UACA: variants seen among roughly 807,000 people sequenced by gnomAD.
UACA encodes nuclear membrane binding protein.
A neutral mutation model predicts 160.5 loss-of-function variants in UACA; 112 were observed. The ratio of observed to expected loss-of-function variants is 0.70; its 90% CI spans 0.60 to 0.82. UACA has a LOEUF of 0.82. Ranked by LOEUF, UACA falls within the 40% of genes least tolerant of loss-of-function variation. UACA has a pLI of 0.00. For missense variants in UACA, 1,574 were observed against 1,614.6 expected, an observed-to-expected ratio of 0.97 and a Z score of 0.43; for synonymous variants, 557 against 568.4, an observed-to-expected ratio of 0.98 and a Z score of 0.29.
intron 1 of UACA, among the ~76,000 whole-genome samples, chr15:70,720,972 G>A (rs1479180645): frequency 2.0e-5 from 3 of 152,144 alleles, no homozygotes; most frequent in African/African-American, 7.2e-5. Flanking sequence ...CATCATTCTG[G>A]ATCTTAGGAT....
rs1315711389 is a variant in UACA, at chr15:70,655,028, C to G, written c.*2028G>C. ...CCTTGTACTTTGGAGTCCATCGTTT[C>G]CTACTCCCAATGCTCTCACAGACAG... On this transcript the variant is annotated 3_prime_UTR_variant, in exon 19 of 19. Coordinates refer to ENST00000322954, the MANE Select transcript of UACA (RefSeq NM_018003.4). The G allele has an allele frequency of 1.3e-5, 2 of 152,162 alleles. No individual in the cohort carries two copies. The highest frequency in any genetic ancestry group is 2.9e-5 in the Non-Finnish European group (2 of 68,036). The allele number at this position is 152,162 out of a possible 1,614,324, so 9.4% of individuals were successfully genotyped here. A position where few individuals can be genotyped will look rare whatever the true frequency, so the allele number is the denominator to read the frequency against.
the UACA span, among the ~76,000 whole-genome samples, chr15:70,768,747 T>A: frequency 3.3e-5 from 5 of 152,326 alleles, no homozygotes; most frequent in Admixed American, 3.3e-4. Flanking sequence ...ATATGTGCAA[T>A]GAGCCGAAAA....
At chr15:70,703,280 G>C in intron 1 of UACA, 1 of 1,286,224 alleles carries the variant, frequency 7.8e-7, no homozygotes, top group Non-Finnish European at 1.0e-6. Flanking sequence ...TGTTTCATGG[G>C]AATGCAAAAC....
At chr15:70,712,979 T>C (rs1292683319) in intron 1 of UACA, among the ~76,000 whole-genome samples, 2 of 152,214 alleles carry the variant, frequency 1.3e-5, no homozygotes, top group Non-Finnish European at 2.9e-5. Context: ...CAAGTCTCTC[T>C]TCCCATGGAA....
Position 70,762,599 on chromosome 15 carries a change from G to A in UACA, c.78+731C>T, listed in dbSNP as rs74021850. 5.0e-3 allele frequency among the ~76,000 whole-genome samples: 769 copies of A among 152,338 alleles called. 5 individuals carry two copies. Among genetic ancestry groups the A allele is most frequent in the African/African-American group, 0.018 (746 of 41,578 alleles). ...CGCGCACACTGAGGCCGCGCTGCAG[G>A]TCAGCACCGAAAGAGCCCCGCACGG... is the stretch of plus-strand genomic sequence containing the variant. On this transcript the variant is annotated intron_variant, in intron 1 of 18. Transcript: ENST00000322954.
intron 2 of UACA, among the ~76,000 whole-genome samples, chr15:70,695,767 T>C (rs1373013493): frequency 6.0e-5 from 9 of 151,094 alleles, no homozygotes; most frequent in Admixed American, 5.9e-4. Context: ...ATAAGGCAAG[T>C]TAAAGTTAAA....
chr15:70,702,505 A>T (rs2140971244), intron 1 of UACA, among the ~76,000 whole-genome samples: 1 of 152,328 alleles, frequency 6.6e-6, no homozygotes, highest in East Asian at 1.9e-4. Flanking sequence ...CATATTGTAA[A>T]ACATGCTTAT....
At chr15:70,723,321 T>G (rs1041751665) in intron 1 of UACA, among the ~76,000 whole-genome samples, 1 of 152,204 alleles carries the variant, frequency 6.6e-6, no homozygotes, top group Non-Finnish European at 1.5e-5. Flanking sequence ...CAGTAGACTT[T>G]GTCTTCACAA....
At position 70,736,608 on chromosome 15, in the gene UACA, T is replaced by C. The variant is rs368399957; in HGVS notation, c.78+26722A>G. On this transcript the variant is annotated intron_variant, in intron 1 of 18. Coordinates refer to ENST00000322954, the MANE Select transcript of UACA (RefSeq NM_018003.4). ...CACCACCACGCCCGGCTATTTTTTA[T>C]ATATATATTTTTAGTAGAGAGGGGC... 3.0e-4 allele frequency among the ~76,000 whole-genome samples: 45 copies of C among 152,192 alleles called. 2 individuals carry two copies. The South Asian group carries it at 9.1e-3, about 31-fold the overall frequency.
intron 1 of UACA, chr15:70,754,005 C>G (rs2030252444): frequency 8.8e-5 from 35 of 399,138 alleles, no homozygotes; most frequent in South Asian, 6.1e-4. Flanking sequence ...AGGGTTTCAT[C>G]ATGTTGCCCA....
intron 18 of UACA, among the ~76,000 whole-genome samples, chr15:70,657,692 T>C (rs1205586311): frequency 6.6e-6 from 1 of 152,092 alleles, no homozygotes; most frequent in East Asian, 1.9e-4. Flanking sequence ...ATAACAGCCT[T>C]GGATGATAGG....
intron 5 of UACA, among the ~76,000 whole-genome samples, chr15:70,689,952 T>C (rs904475669): frequency 1.3e-5 from 2 of 152,188 alleles, no homozygotes; most frequent in Non-Finnish European, 2.9e-5. Flanking sequence ...GAAATTATTA[T>C]GTGCCAGGCA....
intron 1 of UACA, among the ~76,000 whole-genome samples, chr15:70,704,406 G>C (rs1898466611): frequency 6.6e-6 from 1 of 152,120 alleles, no homozygotes; most frequent in African/African-American, 2.4e-5. Context: ...ACTGCTCATG[G>C]TCGATAAAAG....
At chr15:70,755,627 G>A (rs925038191) in intron 1 of UACA, among the ~76,000 whole-genome samples, 13 of 150,914 alleles carry the variant, frequency 8.6e-5, no homozygotes, top group African/African-American at 2.0e-4. Flanking sequence ...CCAAGATTGC[G>A]CCACTGCACT....
chr15:70,665,119 TGAACTATCTTCCAGGTAACATATG>T (rs1896858723), intron 16 of UACA, among the ~76,000 whole-genome samples: 1 of 152,178 alleles, frequency 6.6e-6, no homozygotes, highest in Non-Finnish European at 1.5e-5. Flanking sequence ...CGAAGGCACA[TGAACTATCTTCCAGGTAACATATG>T]GAACACAGGA....
At chr15:70,663,386 T>C (rs1003610628) in intron 17 of UACA, among the ~76,000 whole-genome samples, 24 of 152,130 alleles carry the variant, frequency 1.6e-4, no homozygotes, top group Admixed American at 2.0e-4. Flanking sequence ...TGTGGAGAAA[T>C]AGGAACACTT....
At chr15:70,769,268 G>A in the UACA span, among the ~76,000 whole-genome samples, 9 of 150,910 alleles carry the variant, frequency 6.0e-5, no homozygotes, top group African/African-American at 2.2e-4. Context: ...GAACCCAGGA[G>A]GCGGAGCTTG....
rs898190824 is a variant in UACA, at chr15:70,672,823, G to A, written c.1132-822C>T. On this transcript the variant is annotated intron_variant, in intron 13 of 18. Transcript: ENST00000322954. Reference sequence around the variant, plus strand: ...AAAAATACAAGAACGAGCTGGGTGCGGTGGCTCATGCCTGTAATCCCAGCA... The same window carrying A: ...AAAAATACAAGAACGAGCTGGGTGCAGTGGCTCATGCCTGTAATCCCAGCA... 3.3e-5 allele frequency among the ~76,000 whole-genome samples: 5 copies of A among 152,108 alleles called. No homozygotes were observed. In the South Asian group the frequency reaches 6.2e-4, roughly 19 times the overall value.
rs1421127724 is a variant in UACA at position 70,672,013 on chromosome 15, A to G, written c.1132-12T>C. ...CCTAAATGATCACTCTGAAATCAGA[A>G]GCATAAAATATTTTAGGGTGAATGC... On this transcript the variant is annotated splice_polypyrimidine_tract_variant and intron_variant, in intron 13 of 18. Transcript: ENST00000322954. 6.3e-7 allele frequency: 1 copy of G among 1,590,584 alleles called. No individual in the cohort carries two copies. The highest frequency in any genetic ancestry group is 8.6e-7 in the Non-Finnish European group (1 of 1,168,962).
Sources: allele counts gnomAD v4.1 joint callset (sites outside exome capture counted in the v4.1 genomes callset), GRCh38; gene constraint gnomAD v4.1.1; transcripts MANE v1.5; gene names NCBI Gene and HGNC (gene_info 2026-07-23, HGNC 2026-07-21).